BAZ1A: variants seen among roughly 807,000 people sequenced by gnomAD.
The protein encoded by BAZ1A is bromodomain adjacent to zinc finger domain 1A, also known as bromodomain adjacent to zinc finger domain protein 1A.
BAZ1A carries 50 observed loss-of-function variants against 185.2 expected under a neutral mutation model. That is an observed-to-expected ratio of 0.27 (90% confidence interval 0.22 to 0.34). The LOEUF (loss-of-function observed/expected upper bound fraction) is 0.34. Among genes scored for constraint, BAZ1A ranks in the 10% least tolerant of loss-of-function variants. BAZ1A has a pLI of 1.00. For missense variants in BAZ1A, 1,356 were observed against 1,839.9 expected, an observed-to-expected ratio of 0.74 and a Z score of 4.81; for synonymous variants, 571 against 615.6, an observed-to-expected ratio of 0.93 and a Z score of 1.07.
chr14:34,833,185 C>A (rs530548850), intron 3 of BAZ1A, among the ~76,000 whole-genome samples: 1 of 151,870 alleles, frequency 6.6e-6, no homozygotes, highest in Non-Finnish European at 1.5e-5. Context: ...GAGGCTGCAG[C>A]GCACCACTAC....
At chr14:34,869,727 G>A (rs1193313717) in intron 2 of BAZ1A, among the ~76,000 whole-genome samples, 1 of 152,172 alleles carries the variant, frequency 6.6e-6, no homozygotes, top group South Asian at 2.1e-4. Flanking sequence ...AGGTGTGCAG[G>A]CTCCTTTGAA....
At chr14:34,873,693 C>CT (rs1409253817) in intron 2 of BAZ1A, among the ~76,000 whole-genome samples, 1 of 152,238 alleles carries the variant, frequency 6.6e-6, no homozygotes, top group Admixed American at 6.5e-5. Flanking sequence ...GGCCCTGCTT[C>CT]TTCCCCCTTC....
At chr14:34,811,184 GC>G in intron 4 of BAZ1A, 148 bp from the exon 5 acceptor site, 1 of 563,600 alleles carries the variant, frequency 1.8e-6, no homozygotes, top group Non-Finnish European at 3.1e-6. Flanking sequence ...CACTCTTGTT[GC>G]CCAGGCTGGA....
intron 21 of BAZ1A, among the ~76,000 whole-genome samples, chr14:34,767,955 A>G (rs931246637): frequency 6.6e-6 from 1 of 152,202 alleles, no homozygotes; most frequent in Non-Finnish European, 1.5e-5. Context: ...TCAAGGCCCA[A>G]TTCTTATTCT....
At chr14:34,766,357 G>C (rs970105709) in intron 21 of BAZ1A, among the ~76,000 whole-genome samples, 11 of 152,180 alleles carry the variant, frequency 7.2e-5, no homozygotes, top group African/African-American at 2.7e-4. Context: ...GTTTAGTACA[G>C]CTGGAAAAGT....
At chr14:34,780,590 A>G (rs1317567852) in intron 16 of BAZ1A, among the ~76,000 whole-genome samples, 1 of 152,190 alleles carries the variant, frequency 6.6e-6, no homozygotes, top group East Asian at 1.9e-4. Flanking sequence ...AAGAAGTGAT[A>G]TTTTACAATG....
intron 3 of BAZ1A, among the ~76,000 whole-genome samples, chr14:34,826,514 C>G (rs977755290): frequency 6.6e-6 from 1 of 152,172 alleles, no homozygotes; most frequent in African/African-American, 2.4e-5. Flanking sequence ...ACAAACTCCC[C>G]TCTTAGCACT....
At chr14:34,824,545 C>T (rs2042138296) in intron 4 of BAZ1A, among the ~76,000 whole-genome samples, 1 of 152,018 alleles carries the variant, frequency 6.6e-6, no homozygotes, top group Non-Finnish European at 1.5e-5. Context: ...AATTAACCTT[C>T]CTAAGTCTCA....
At chr14:34,847,476 T>A (rs1228392156) in intron 3 of BAZ1A, among the ~76,000 whole-genome samples, 1 of 152,166 alleles carries the variant, frequency 6.6e-6, no homozygotes, top group Non-Finnish European at 1.5e-5. Flanking sequence ...ATCTATACTA[T>A]CTTTGAGCCG....
chr14:34,871,258 A>G (rs2042944233), intron 2 of BAZ1A, among the ~76,000 whole-genome samples: 1 of 152,200 alleles, frequency 6.6e-6, no homozygotes, highest in East Asian at 1.9e-4. Flanking sequence ...AGGTCTTACT[A>G]TTTTGACCTG....
chr14:34,782,316 AT>A (rs559436435), intron 16 of BAZ1A, among the ~76,000 whole-genome samples: 2 of 152,170 alleles, frequency 1.3e-5, no homozygotes, highest in Admixed American at 1.3e-4. Context: ...TTCCCAGATG[AT>A]TAATGACGTT....
chr14:34,850,875 T>C (rs1033552319), intron 3 of BAZ1A, among the ~76,000 whole-genome samples: 3 of 152,152 alleles, frequency 2.0e-5, no homozygotes, highest in Non-Finnish European at 4.4e-5. Context: ...ATAGATTCCT[T>C]CCAGACCCAA....
chr14:34,844,192 C>A (rs1201120075), intron 3 of BAZ1A, among the ~76,000 whole-genome samples: 3 of 130,134 alleles, frequency 2.3e-5, no homozygotes, highest in African/African-American at 6.2e-5. Context: ...GGCGACAGAG[C>A]GAGACTCCGT....
At position 34,874,581 on chromosome 14, in the gene BAZ1A, C is replaced by A. The variant is rs201008475; in HGVS notation, c.24G>T (p.Pro8=). The A allele has an allele frequency of 8.7e-6, 14 of 1,611,138 alleles. No homozygotes were observed. Among genetic ancestry groups the A allele is most frequent in the Middle Eastern group, 1.7e-4 (1 of 5,986 alleles). ...CCGCGGGCGGCTTCTGTCTCACAAA[C>A]GGCTTTCGGTGTAGCAGCGGCATCT... The part of the protein sequence containing the change: MPLLHRK[P]FVRQKPPADL... Residue 8 remains proline (P), a synonymous_variant, in exon 2 of 27, where the codon CCG becomes CCT. Transcript: ENST00000360310. This position sits in a 1 kb window ranked among gnomAD's most constrained non-coding sequence, Gnocchi z 4.7.
chr14:34,807,552 G>A lies in BAZ1A; in HGVS notation c.639-14C>T. ...TGTTTTCTCCGGCTACAGGAGGCAAGGAAGTCAAAGAGGGGTAGTGTTAGC... is the reference window on the plus strand; with the variant it reads ...TGTTTTCTCCGGCTACAGGAGGCAAAGAAGTCAAAGAGGGGTAGTGTTAGC... On this transcript the variant is annotated splice_polypyrimidine_tract_variant and intron_variant, in intron 5 of 26. Coordinates refer to ENST00000360310, the MANE Select transcript of BAZ1A (RefSeq NM_013448.3). The A allele has an allele frequency of 6.3e-7, 1 of 1,599,050 alleles. No homozygotes were observed. Among genetic ancestry groups the A allele is most frequent in the Middle Eastern group, 1.7e-4 (1 of 6,034 alleles).
rs139940202 is a variant in BAZ1A at position 34,874,499 on chromosome 14, G to A, written c.106C>T (p.His36Tyr). The change falls in exon 2 of 27, where the codon CAC becomes TAC. Residue 36 changes from histidine to tyrosine, a missense_variant. Transcript: ENST00000360310. The surrounding 1 kb of genome is among the most constrained non-coding windows in gnomAD (Gnocchi z 4.7). ...YCKVTNEIFR[H>Y]YDDFFERTIL... ...ACACGGCCCGGCTCTTACTCGTAGT[G>A]GCGGAAGATCTCGTTGGTGACTTTA... The A allele has an allele frequency of 3.6e-5, 58 of 1,612,464 alleles. No individual in the cohort carries two copies. The highest frequency in any genetic ancestry group is 6.7e-5 in the Admixed American group (4 of 59,976).
intron 3 of BAZ1A, among the ~76,000 whole-genome samples, chr14:34,858,485 T>C (rs1033741525): frequency 5.9e-5 from 9 of 152,238 alleles, no homozygotes; most frequent in African/African-American, 2.2e-4. Context: ...CAGCTAATTT[T>C]TGTATTTTTT....
rs891617233 is a variant in BAZ1A, at chr14:34,810,856, G to C, written c.638+79C>G. The C allele has an allele frequency of 8.1e-6, 8 of 993,622 alleles. No homozygotes were observed. The African/African-American group carries it at 9.8e-5, about 12-fold the overall frequency. 61.6% of individuals were successfully genotyped at this position (993,622 alleles called of 1,614,324 possible). ...AAAGCAATCACAGTACTTCCCATTT[G>C]TTCTACATCAGACCTTCTTAATCTA... On this transcript the variant is annotated intron_variant, in intron 5 of 26. Coordinates refer to ENST00000360310, the MANE Select transcript of BAZ1A (RefSeq NM_013448.3).
intron 3 of BAZ1A, among the ~76,000 whole-genome samples, chr14:34,844,981 A>C (rs1285776440): frequency 6.6e-6 from 1 of 152,140 alleles, no homozygotes; most frequent in African/African-American, 2.4e-5. Context: ...AGCCATATTC[A>C]TTCATTTATC....
Sources: gnomAD v4.1 joint callset for allele counts (sites outside exome capture counted in the v4.1 genomes callset) on GRCh38, gnomAD v4.1.1 for gene constraint, Gnocchi (gnomAD v3.1) non-coding constraint, MANE v1.5 for transcripts, NCBI Gene and HGNC (gene_info 2026-07-23, HGNC 2026-07-21) for gene names.